Variants in REEP3 observed in about 807,000 individuals in gnomAD.
REEP3 encodes receptor expression-enhancing protein 3.
REEP3 carries 20 observed loss-of-function variants against 41.3 expected under a neutral mutation model. The ratio of observed to expected loss-of-function variants is 0.48; its 90% CI spans 0.34 to 0.70. The LOEUF (loss-of-function observed/expected upper bound fraction) is 0.70, where lower values mean the gene tolerates loss of function less well. Among genes scored for constraint, REEP3 ranks in the 30% least tolerant of loss-of-function variants. The pLI is 0.01. For synonymous variants in REEP3, 104 were observed against 101.8 expected, an observed-to-expected ratio of 1.02 and a Z score of -0.13; for missense variants, 271 against 308.8, an observed-to-expected ratio of 0.88 and a Z score of 0.92.
In REEP3 at chr10:63,613,576, G is replaced by C. The variant is rs192597798; in HGVS notation, c.565+3242G>C. ...TTCATCAAAACTTTCTCTCTTGACC[G>C]TATTTTTAACAAAGCAGTATGGTTC... On this transcript the variant is annotated intron_variant, in intron 6 of 7. Transcript: ENST00000373758. Among the ~76,000 whole-genome samples, 3 of 152,142 alleles carry C rather than the reference G, an allele frequency of 2.0e-5. No individual in the cohort carries two copies. The South Asian group carries it at 6.2e-4, about 31-fold the overall frequency.
chr10:63,613,633 A>G (rs1336282061), intron 6 of REEP3, among the ~76,000 whole-genome samples: 1 of 152,230 alleles, frequency 6.6e-6, no homozygotes, highest in South Asian at 2.1e-4. Flanking sequence ...GAAGTTAAAA[A>G]TAGATTGTCT....
intron 1 of REEP3, among the ~76,000 whole-genome samples, chr10:63,544,960 G>T (rs1407993034): frequency 1.3e-5 from 2 of 152,132 alleles, no homozygotes; most frequent in East Asian, 3.9e-4. Flanking sequence ...TGTTAAAAAT[G>T]CAAAATACAA....
At chr10:63,533,725 T>TTTTTTTTTTTTTTTTTTTTTTTTAGGG in intron 1 of REEP3, among the ~76,000 whole-genome samples, 1 of 143,798 alleles carries the variant, frequency 7.0e-6, no homozygotes, top group African/African-American at 2.5e-5. Flanking sequence ...TTTTTTTTTT[T>TTTTTTTTTTTTTTTTTTTTTTTTAGGG]GAGACGGAGT....
Position 63,620,906 on chromosome 10 carries a change from TA to T in REEP3, c.*40del. On this transcript the variant is annotated 3_prime_UTR_variant, in exon 8 of 8. Transcript: ENST00000373758. ...TCAAATATCCCAAGACAGATTATGC[TA>T]AATACATCGACTTCATCTTCTAACA... The T allele has an allele frequency of 7.7e-7, 1 of 1,301,320 alleles. No homozygotes were observed. The allele number at this position is 1,301,320 out of a possible 1,614,324, so 80.6% of individuals were successfully genotyped here. A position where few individuals can be genotyped will look rare whatever the true frequency, so the allele number is the denominator to read the frequency against.
chr10:63,577,240 ACT>A (rs949054701), intron 2 of REEP3, among the ~76,000 whole-genome samples: 5 of 151,990 alleles, frequency 3.3e-5, no homozygotes, highest in Non-Finnish European at 5.9e-5. Flanking sequence ...TATTAGCCCC[ACT>A]CTCAGTTGTG....
chr10:63,573,515 A>G (rs963350189), intron 2 of REEP3, among the ~76,000 whole-genome samples: 1 of 152,250 alleles, frequency 6.6e-6, no homozygotes, highest in Non-Finnish European at 1.5e-5. Context: ...AATCAAAATC[A>G]GACATTTGGT....
At chr10:63,599,316 C>A in intron 5 of REEP3, 33 bp downstream of exon 5, 3 of 937,928 alleles carry the variant, frequency 3.2e-6, no homozygotes, top group South Asian at 3.8e-5. Context: ...AATCCAATGT[C>A]ATATTAAGTC....
At chr10:63,572,479 A>T (rs1163056902) in intron 2 of REEP3, among the ~76,000 whole-genome samples, 1 of 151,724 alleles carries the variant, frequency 6.6e-6, no homozygotes, top group Non-Finnish European at 1.5e-5. Context: ...CTTGCCCCTG[A>T]CCCTCCAACA....
At chr10:63,545,543 T>G (rs985879682) in intron 1 of REEP3, among the ~76,000 whole-genome samples, 3 of 151,902 alleles carry the variant, frequency 2.0e-5, no homozygotes, top group African/African-American at 7.3e-5. Flanking sequence ...CCCAGCTAAT[T>G]TTTGCATTTT....
intron 7 of REEP3, 117 bp downstream of exon 7, chr10:63,619,917 GAT>G: frequency 1.8e-4 from 42 of 228,834 alleles, no homozygotes; most frequent in East Asian, 3.3e-4. Flanking sequence ...ACAGCAGTTT[GAT>G]TTTTTTTTTT....
Position 63,563,132 on chromosome 10 carries a change from C to T in REEP3, c.33-3206C>T, listed in dbSNP as rs114948114. 2.7e-3 allele frequency among the ~76,000 whole-genome samples: 412 copies of T among 152,252 alleles called. 3 individuals carry two copies. The highest frequency in any genetic ancestry group is 9.2e-3 in the African/African-American group (384 of 41,536). ...CGTTTTGGTCTTGGGCTTCTAGCCT[C>T]CAGGACTGTGAGAAAGCAAATTTCT... is the stretch of plus-strand genomic sequence containing the variant. On this transcript the variant is annotated intron_variant, in intron 1 of 7. Transcript: ENST00000373758.
chr10:63,560,374 T>C (rs1033692760), intron 1 of REEP3, among the ~76,000 whole-genome samples: 1 of 152,222 alleles, frequency 6.6e-6, no homozygotes, highest in African/African-American at 2.4e-5. Flanking sequence ...ATTTGAGAGA[T>C]GTATATCAGA....
chr10:63,620,884 A>G lies in REEP3; in HGVS notation c.*15A>G, dbSNP rs750831891. On this transcript the variant is annotated 3_prime_UTR_variant, in exon 8 of 8. Coordinates refer to ENST00000373758, the MANE Select transcript of REEP3 (RefSeq NM_001001330.3). Reference sequence around the variant, plus strand: ...TGTATTTTTAGTCATCTACACGTCAAATATCCCAAGACAGATTATGCTAAA... The same window carrying G: ...TGTATTTTTAGTCATCTACACGTCAGATATCCCAAGACAGATTATGCTAAA... 5.1e-6 allele frequency: 8 copies of G among 1,568,006 alleles called. No individual in the cohort carries two copies. In the South Asian group the frequency reaches 9.0e-5, roughly 18 times the overall value.
At chr10:63,578,981 A>G (rs1955922290) in intron 2 of REEP3, among the ~76,000 whole-genome samples, 1 of 151,308 alleles carries the variant, frequency 6.6e-6, no homozygotes, top group Admixed American at 6.6e-5. Context: ...TTCACTGGTA[A>G]AGTAACTGGT....
chr10:63,536,232 A>G (rs1453298879), intron 1 of REEP3, among the ~76,000 whole-genome samples: 1 of 152,208 alleles, frequency 6.6e-6, no homozygotes, highest in African/African-American at 2.4e-5. Context: ...ATGTGCTATA[A>G]TTTACACCTG....
chr10:63,621,115 C>T lies in REEP3; in HGVS notation c.*246C>T, dbSNP rs1213262949. 4 of 325,854 alleles carry T rather than the reference C, an allele frequency of 1.2e-5. No individual in the cohort carries two copies. The highest frequency in any genetic ancestry group is 5.7e-5 in the East Asian group (1 of 17,670). The allele number at this position is 325,854 out of a possible 1,614,324, so 20.2% of individuals were successfully genotyped here. A position where few individuals can be genotyped will look rare whatever the true frequency, so the allele number is the denominator to read the frequency against. ...AGAAATTATAGAAAATCATGTTGTC[C>T]GTTTTCAAATTCATCAACAGCCTAG... On this transcript the variant is annotated 3_prime_UTR_variant, in exon 8 of 8. Transcript: ENST00000373758.
chr10:63,598,124 C>G lies in REEP3; in HGVS notation c.283C>G (p.Leu95Val), dbSNP rs760168466. 2 of 1,587,476 alleles carry G rather than the reference C, an allele frequency of 1.3e-6. No homozygotes were observed. Among genetic ancestry groups the G allele is most frequent in the East Asian group, 4.5e-5 (2 of 44,720 alleles). ...SLIYRKFLHP[L>V]LSSKEREIDD... Reference sequence around the variant, plus strand: ...AATATATAGAAAATTCCTTCATCCACTTCTTTCTTCAAAGGAAAGGGTAAG... The same window carrying G: ...AATATATAGAAAATTCCTTCATCCAGTTCTTTCTTCAAAGGAAAGGGTAAG... Residue 95 changes from leucine (L) to valine (V), a missense_variant, in exon 4 of 8, where the codon CTT (leucine) becomes GTT (valine). By Grantham distance (32) the Leu-to-Val change is conservative. Coordinates refer to ENST00000373758, the MANE Select transcript of REEP3 (RefSeq NM_001001330.3).
At chr10:63,597,370 A>G (rs564726219) in intron 3 of REEP3, among the ~76,000 whole-genome samples, 1 of 152,320 alleles carries the variant, frequency 6.6e-6, no homozygotes, top group Middle Eastern at 3.4e-3. Context: ...GAGATAGGTC[A>G]TGTACTTCCA....
intron 3 of REEP3, among the ~76,000 whole-genome samples, chr10:63,597,164 G>T (rs1001218610): frequency 1.3e-5 from 2 of 152,178 alleles, no homozygotes; most frequent in African/African-American, 4.8e-5. Context: ...GCCAACGGGG[G>T]AGGCCCACTG....
Sources: gnomAD v4.1 joint callset for allele counts (sites outside exome capture counted in the v4.1 genomes callset) on GRCh38, gnomAD v4.1.1 for gene constraint, MANE v1.5 for transcripts, NCBI Gene and HGNC (gene_info 2026-07-23, HGNC 2026-07-21) for gene names.